The following SPATA21 variants were observed in gnomAD, a reference collection of about 807,000 sequenced individuals.
SPATA21 encodes the protein spermatogenesis-associated protein 21.
SPATA21 carries 47 observed loss-of-function variants against 54.8 expected under a neutral mutation model. The observed-to-expected ratio is 0.86, with a 90% CI of 0.68 to 1.09. The LOEUF (loss-of-function observed/expected upper bound fraction) is 1.09, where lower values mean the gene tolerates loss of function less well. SPATA21 is among the 50% of genes least tolerant of loss of function. The probability of loss-of-function intolerance (pLI) is 0.00; values close to 1 mark genes in which losing one functional copy is unlikely to be tolerated. For synonymous variants in SPATA21, 245 were observed against 235.3 expected (o/e 1.04, Z -0.38); for missense variants, 599 against 596.4 (o/e 1.00, Z -0.05).
chr1:16,404,524 A>C (rs2085565017), intron 8 of SPATA21, among the ~76,000 whole-genome samples: 1 of 152,112 alleles, frequency 6.6e-6, no homozygotes, highest in Non-Finnish European at 1.5e-5. Context: ...AATTGTTAAG[A>C]ATTTCTATGA....
At position 16,426,579 on chromosome 1, in the gene SPATA21, ATT is replaced by A. The variant is rs869271995; in HGVS notation, c.35-4610_35-4609del. ...CGGCTATATATATATATATATATAT[ATT>A]TTTTTTTTTTTTTTTTGAGACAGAA... is the stretch of plus-strand genomic sequence containing the variant. On this transcript the variant is annotated intron_variant, in intron 3 of 12. Coordinates refer to ENST00000335496, the MANE Select transcript of SPATA21 (RefSeq NM_198546.1). Among the ~76,000 whole-genome samples, 545 of 107,062 alleles carry A rather than the reference ATT, an allele frequency of 5.1e-3. 4 individuals are homozygous for A. Among genetic ancestry groups the A allele is most frequent in the African/African-American group, 0.019 (499 of 26,150 alleles). The allele number at this position is 107,062 out of a possible 152,430, so 70.2% of individuals were successfully genotyped here.
At position 16,404,518 on chromosome 1, in the gene SPATA21, G is replaced by A. The variant is rs565464433; in HGVS notation, c.811+449C>T. Among the ~76,000 whole-genome samples, 69 of 152,074 alleles carry A rather than the reference G, an allele frequency of 4.5e-4. 1 individual carries two copies. The South Asian group carries it at 0.014, about 31-fold the overall frequency. ...CAAAAAAAGGAAAAAAAGAAAAATT[G>A]TTAAGAATTTCTATGATGTTGGGTG... On this transcript the variant is annotated intron_variant, in intron 8 of 12. Transcript: ENST00000335496.
intron 7 of SPATA21, among the ~76,000 whole-genome samples, chr1:16,407,176 T>C (rs768527579): frequency 6.6e-6 from 1 of 152,098 alleles, no homozygotes; most frequent in Non-Finnish European, 1.5e-5. Flanking sequence ...GGGGCTAGGA[T>C]TGGTGTTGGG....
chr1:16,435,931 A>G (rs915249516), intron 1 of SPATA21, among the ~76,000 whole-genome samples: 3 of 152,164 alleles, frequency 2.0e-5, no homozygotes, highest in African/African-American at 7.2e-5. Context: ...TGTCTTTTGA[A>G]GCACAGAAGT....
intron 3 of SPATA21, chr1:16,427,811 G>A: frequency 2.0e-6 from 3 of 1,505,864 alleles, no homozygotes; most frequent in East Asian, 2.5e-5. Context: ...CCCGCGGGTG[G>A]GCTACAGGGG....
rs750465368 is a variant in SPATA21 at position 16,410,053 on chromosome 1, G to T, written c.145-10C>A. On this transcript the variant is annotated splice_polypyrimidine_tract_variant and intron_variant, in intron 5 of 12. Coordinates refer to ENST00000335496, the MANE Select transcript of SPATA21 (RefSeq NM_198546.1). ...CAATGTCCCTCACCTCCTGGGGACA[G>T]GGGAGGGGATCCAGGAGGCCTCTAG... The T allele has an allele frequency of 6.5e-7, 1 of 1,531,632 alleles. No homozygotes were observed. Among genetic ancestry groups the T allele is most frequent in the Non-Finnish European group, 8.7e-7 (1 of 1,143,224 alleles). The allele number at this position is 1,531,632 out of a possible 1,614,324, so 94.9% of individuals were successfully genotyped here.
intron 7 of SPATA21, among the ~76,000 whole-genome samples, chr1:16,406,888 C>G (rs780678211): frequency 6.6e-6 from 1 of 152,192 alleles, no homozygotes; most frequent in Non-Finnish European, 1.5e-5. Flanking sequence ...AGCAACCTGC[C>G]GACCCCCTGA....
chr1:16,417,245 G>T (rs1463297628), intron 5 of SPATA21, among the ~76,000 whole-genome samples: 1 of 151,930 alleles, frequency 6.6e-6, no homozygotes, highest in Non-Finnish European at 1.5e-5. Context: ...CTGCTGCCTG[G>T]CTGCCCTTTC....
chr1:16,423,507 A>G (rs1004989811), intron 3 of SPATA21, among the ~76,000 whole-genome samples: 1 of 150,838 alleles, frequency 6.6e-6, no homozygotes, highest in African/African-American at 2.4e-5. Context: ...TGATACACAC[A>G]ATACATGAAT....
chr1:16,403,878 T>C, intron 9 of SPATA21, 34 bp from the exon 10 acceptor site: 1 of 1,609,658 alleles, frequency 6.2e-7, no homozygotes, highest in Non-Finnish European at 8.5e-7. Context: ...CCGTTACCAC[T>C]GGGCAGTCCT....
Position 16,403,640 on chromosome 1 carries a change from G to A in SPATA21, c.1001+87C>T, listed in dbSNP as rs533495302. Reference sequence around the variant, plus strand: ...TTTCTTTCACTTGTGACTAAAAGTCGTAACTACCAAAAGTTCTCAGTGCCA... The same window carrying A: ...TTTCTTTCACTTGTGACTAAAAGTCATAACTACCAAAAGTTCTCAGTGCCA... On this transcript the variant is annotated intron_variant, in intron 10 of 12. Transcript: ENST00000335496. 440 of 1,195,798 alleles carry A rather than the reference G, an allele frequency of 3.7e-4. 1 individual carries two copies. The highest frequency in any genetic ancestry group is 3.3e-3 in the South Asian group (263 of 80,614). 74.1% of individuals were successfully genotyped at this position (1,195,798 alleles called of 1,614,324 possible).
intron 7 of SPATA21, chr1:16,408,436 G>A (rs911264660): frequency 1.0e-6 from 1 of 983,990 alleles, no homozygotes; most frequent in African/African-American, 1.7e-5. Context: ...CCCATCCAGG[G>A]TGCTCTGAAG....
intron 3 of SPATA21, among the ~76,000 whole-genome samples, chr1:16,430,114 CAAAAAAA>C (rs1226598581): frequency 1.1e-4 from 6 of 53,152 alleles, no homozygotes; most frequent in Non-Finnish European, 1.7e-4. Context: ...GACTCTATCT[CAAAAAAA>C]AAAAAAAAAA....
In SPATA21 at chr1:16,428,493, G is replaced by A. The variant is rs923487931; in HGVS notation, c.34+2845C>T. ...CAACTTCCACCTGCTGGGTTCAAGC[G>A]ATTCTTGTGCCTCAGCTTCCCGAGT... is the stretch of plus-strand genomic sequence containing the variant. On this transcript the variant is annotated intron_variant, in intron 3 of 12. Transcript: ENST00000335496. This position sits in a 1 kb window ranked among gnomAD's most constrained non-coding sequence, Gnocchi z 4.3. 2.6e-5 allele frequency among the ~76,000 whole-genome samples: 4 copies of A among 152,146 alleles called. No individual in the cohort carries two copies. The highest frequency in any genetic ancestry group is 9.6e-5 in the African/African-American group (4 of 41,456).
intron 5 of SPATA21, among the ~76,000 whole-genome samples, chr1:16,412,161 G>C (rs1187946604): frequency 6.6e-6 from 1 of 152,034 alleles, no homozygotes; most frequent in Non-Finnish European, 1.5e-5. Context: ...GAGACCCAGG[G>C]ATTTGTCCTC....
chr1:16,420,838 G>C, intron 5 of SPATA21, among the ~76,000 whole-genome samples: 1 of 152,038 alleles, frequency 6.6e-6, no homozygotes, highest in East Asian at 1.9e-4. Flanking sequence ...AGCGGAGGGA[G>C]GGCGGTGTGG....
intron 3 of SPATA21, chr1:16,424,908 CTTATT>C (rs1419354389): frequency 2.1e-5 from 6 of 282,414 alleles, no homozygotes; most frequent in Non-Finnish European, 3.5e-5. Context: ...GGAAACAAGA[CTTATT>C]TTTATTTTAT....
upstream of SPATA21, among the ~76,000 whole-genome samples, chr1:16,437,680 C>T (rs2086615101): frequency 6.6e-6 from 1 of 152,178 alleles, no homozygotes; most frequent in Non-Finnish European, 1.5e-5. Flanking sequence ...TTGGCCACAT[C>T]CCAGTGACCC....
rs759588151 is a variant in SPATA21, at chr1:16,409,247, C to A, written c.588-44G>T. ...CGACCCAGGGCAACATCCGGCCGCCCACCCTGCTGATAGCTAGGGGAGGGG... is the reference window on the plus strand; with the variant it reads ...CGACCCAGGGCAACATCCGGCCGCCAACCCTGCTGATAGCTAGGGGAGGGG... On this transcript the variant is annotated intron_variant, in intron 6 of 12. Transcript: ENST00000335496. This position sits in a 1 kb window ranked among gnomAD's most constrained non-coding sequence, Gnocchi z 4.1. 8.1e-6 allele frequency: 13 copies of A among 1,609,236 alleles called. 1 individual carries two copies. Among genetic ancestry groups the A allele is most frequent in the Non-Finnish European group, 1.0e-5 (12 of 1,176,706 alleles).
Sources: allele counts gnomAD v4.1 joint callset (sites outside exome capture counted in the v4.1 genomes callset), GRCh38; gene constraint gnomAD v4.1.1; non-coding constraint Gnocchi (gnomAD v3.1); transcripts MANE v1.5; gene names NCBI Gene and HGNC (gene_info 2026-07-23, HGNC 2026-07-21).